PAX5: variants seen among roughly 807,000 people sequenced by gnomAD.
The protein encoded by PAX5 is paired box protein Pax-5.
Under a neutral mutation model 43.7 loss-of-function variants are expected in PAX5, and 9 were observed. The ratio of observed to expected loss-of-function variants is 0.21; its 90% confidence interval spans 0.12 to 0.36. The LOEUF (loss-of-function observed/expected upper bound fraction) is 0.36, where lower values mean the gene tolerates loss of function less well. Ranked by LOEUF, PAX5 falls within the 10% of genes least tolerant of loss-of-function variation. PAX5 has a pLI of 1.00. For synonymous variants in PAX5, 228 were observed against 214.3 expected (o/e 1.06, Z -0.56); for missense variants, 383 against 532.7 (o/e 0.72, Z 2.77).
chr9:36,862,871 T>A (rs558477266), intron 8 of PAX5, among the ~76,000 whole-genome samples: 9 of 152,296 alleles, frequency 5.9e-5, no homozygotes, highest in Admixed American at 4.6e-4. Context: ...TCTCCATTTA[T>A]CTGAAGGTTA....
At chr9:37,024,963 A>T (rs188443468) in intron 1 of PAX5, among the ~76,000 whole-genome samples, 162 of 152,330 alleles carry the variant, frequency 1.1e-3, no homozygotes, top group African/African-American at 3.6e-3. Context: ...GGCTGAGCCA[A>T]GGGCTTGCTC....
intron 5 of PAX5, among the ~76,000 whole-genome samples, chr9:36,992,630 G>A (rs1837043237): frequency 6.6e-6 from 1 of 152,216 alleles, no homozygotes; most frequent in Non-Finnish European, 1.5e-5. Flanking sequence ...GGCTAGTGGA[G>A]GATTTCCAAA....
At chr9:36,873,502 T>C (rs1587833936) in intron 8 of PAX5, among the ~76,000 whole-genome samples, 1 of 152,130 alleles carries the variant, frequency 6.6e-6, no homozygotes, top group Non-Finnish European at 1.5e-5. Flanking sequence ...GAGCAACAGG[T>C]GTGCACCCCA....
At chr9:37,007,094 G>A (rs982657902) in intron 3 of PAX5, among the ~76,000 whole-genome samples, 5 of 152,192 alleles carry the variant, frequency 3.3e-5, no homozygotes, top group African/African-American at 9.7e-5. Flanking sequence ...CTGATACTAG[G>A]GAGAGTCAAA....
chr9:37,031,862 T>C (rs1841018232), intron 1 of PAX5, among the ~76,000 whole-genome samples: 1 of 152,116 alleles, frequency 6.6e-6, no homozygotes, highest in Admixed American at 6.5e-5. Flanking sequence ...TGGAATATGG[T>C]TCTGAAGGAA....
intron 5 of PAX5, among the ~76,000 whole-genome samples, chr9:36,989,461 TGTGA>T (rs1407122186): frequency 6.6e-6 from 1 of 150,508 alleles, no homozygotes; most frequent in Non-Finnish European, 1.5e-5. Context: ...GTACAGTGGT[TGTGA>T]GTATTACATG....
chr9:36,976,195 GCTCC>G (rs1018840694), intron 5 of PAX5, among the ~76,000 whole-genome samples: 1 of 152,204 alleles, frequency 6.6e-6, no homozygotes, highest in African/African-American at 2.4e-5. Flanking sequence ...TGAGCTCTAA[GCTCC>G]CTGGCAGCAT....
intron 6 of PAX5, among the ~76,000 whole-genome samples, chr9:36,929,197 A>G (rs1830903875): frequency 6.6e-6 from 1 of 151,826 alleles, no homozygotes; most frequent in African/African-American, 2.4e-5. Flanking sequence ...ACTGACAGAA[A>G]AAGAAAGATG....
intron 5 of PAX5, among the ~76,000 whole-genome samples, chr9:36,969,710 G>A (rs180997901): frequency 1.3e-5 from 2 of 152,242 alleles, no homozygotes; most frequent in African/African-American, 2.4e-5. Flanking sequence ...GCTGCCAGGC[G>A]CCGTGGCTCA....
At chr9:36,897,937 C>T (rs1828012687) in intron 7 of PAX5, among the ~76,000 whole-genome samples, 2 of 152,186 alleles carry the variant, frequency 1.3e-5, no homozygotes, top group Admixed American at 6.5e-5. Flanking sequence ...GCCTACTGGT[C>T]AGGGGCAACA....
chr9:37,016,995 T>C (rs1427309578), intron 2 of PAX5, among the ~76,000 whole-genome samples: 1 of 152,212 alleles, frequency 6.6e-6, no homozygotes, highest in Non-Finnish European at 1.5e-5. Context: ...CTTCCCTCTT[T>C]CTAAAAAATT....
At chr9:36,996,088 G>A (rs760227409) in intron 5 of PAX5, among the ~76,000 whole-genome samples, 40 of 152,316 alleles carry the variant, frequency 2.6e-4, no homozygotes, top group Admixed American at 5.9e-4. Flanking sequence ...CTATGGAATC[G>A]CTCCGTGGCT....
At chr9:36,914,156 A>T (rs188519822) in intron 7 of PAX5, among the ~76,000 whole-genome samples, 3 of 152,250 alleles carry the variant, frequency 2.0e-5, no homozygotes, top group Admixed American at 2.0e-4. Flanking sequence ...CATTCTTCAC[A>T]ACTCTCCTGT....
At chr9:36,885,454 G>A (rs975275410) in intron 7 of PAX5, among the ~76,000 whole-genome samples, 5 of 152,114 alleles carry the variant, frequency 3.3e-5, no homozygotes, top group African/African-American at 1.2e-4. Context: ...CAGCGCTTAC[G>A]GAGAGTAAAC....
intron 7 of PAX5, among the ~76,000 whole-genome samples, chr9:36,910,101 A>G (rs892507147): frequency 1.3e-5 from 2 of 152,114 alleles, no homozygotes; most frequent in Admixed American, 1.3e-4. Flanking sequence ...TTTTTAAGGC[A>G]CTTTTAAATT....
chr9:36,869,806 A>G (rs1825247719), intron 8 of PAX5, among the ~76,000 whole-genome samples: 1 of 151,558 alleles, frequency 6.6e-6, no homozygotes, highest in South Asian at 2.1e-4. Flanking sequence ...ATGGGTGGAT[A>G]AATAGATGGA....
intron 6 of PAX5, among the ~76,000 whole-genome samples, chr9:36,946,549 T>C (rs1832539730): frequency 6.6e-6 from 1 of 152,234 alleles, no homozygotes. Flanking sequence ...CTGTAAGATT[T>C]TCCTGTAGCT....
intron 6 of PAX5, among the ~76,000 whole-genome samples, chr9:36,966,063 T>C (rs1201821180): frequency 2.6e-5 from 4 of 152,214 alleles, no homozygotes; most frequent in Admixed American, 2.6e-4. Flanking sequence ...AATTTTGGAT[T>C]CAGTCACTAA....
intron 6 of PAX5, among the ~76,000 whole-genome samples, chr9:36,927,198 C>T (rs1587994009): frequency 6.6e-6 from 1 of 152,088 alleles, no homozygotes; most frequent in Non-Finnish European, 1.5e-5. Context: ...AGGCAGCATC[C>T]CAGCCAAGAG....
Sources: allele counts gnomAD v4.1 joint callset (sites outside exome capture counted in the v4.1 genomes callset), GRCh38; gene constraint gnomAD v4.1.1; transcripts MANE v1.5; gene names NCBI Gene and HGNC (gene_info 2026-07-23, HGNC 2026-07-21).